The following CACNA2D1 variants were observed in gnomAD, a reference collection of about 807,000 sequenced individuals.
CACNA2D1 encodes calcium voltage-gated channel auxiliary subunit alpha2delta 1, also known as voltage-dependent calcium channel subunit alpha-2/delta-1.
A neutral mutation model predicts 171.5 loss-of-function variants in CACNA2D1; 53 were observed. That is an observed-to-expected ratio of 0.31 (90% CI 0.25 to 0.39). CACNA2D1 has a LOEUF of 0.39. CACNA2D1 is among the 10% of genes least tolerant of loss of function. The pLI is 1.00. For missense variants in CACNA2D1, 903 were observed against 1,299.8 expected (o/e 0.69, Z 4.69); for synonymous variants, 442 against 443.1 (o/e 1.00, Z 0.03).
chr7:82,090,556 G>A (rs887518754), intron 6 of CACNA2D1, among the ~76,000 whole-genome samples: 1 of 151,856 alleles, frequency 6.6e-6, no homozygotes, highest in Non-Finnish European at 1.5e-5. Flanking sequence ...TAATAGTTTA[G>A]TACTATTTTA....
intron 7 of CACNA2D1, among the ~76,000 whole-genome samples, chr7:82,072,226 T>C (rs1808399310): frequency 6.6e-6 from 1 of 152,062 alleles, no homozygotes. Context: ...GGAGTACAAT[T>C]GGAATGTTCA....
chr7:82,216,235 G>T (rs1337051680), intron 3 of CACNA2D1, among the ~76,000 whole-genome samples: 3 of 152,124 alleles, frequency 2.0e-5, no homozygotes, highest in Non-Finnish European at 2.9e-5. Flanking sequence ...AATTTGAGAA[G>T]TTCCCAAGCC....
chr7:82,240,600 T>C (rs769307029), intron 3 of CACNA2D1, among the ~76,000 whole-genome samples: 1 of 152,206 alleles, frequency 6.6e-6, no homozygotes, highest in African/African-American at 2.4e-5. Flanking sequence ...TATTGCTTTA[T>C]GTACCAATAA....
chr7:82,007,956 C>T (rs964495812), intron 15 of CACNA2D1, among the ~76,000 whole-genome samples, 200 bp from the exon 16 acceptor site: 2 of 152,060 alleles, frequency 1.3e-5, no homozygotes, highest in Non-Finnish European at 1.5e-5. Flanking sequence ...TTAGGACCTA[C>T]TAGGCACCTA....
intron 5 of CACNA2D1, among the ~76,000 whole-genome samples, chr7:82,118,967 C>T (rs1184080038): frequency 5.9e-5 from 9 of 152,014 alleles, no homozygotes; most frequent in South Asian, 4.1e-4. Flanking sequence ...AACTACTGTT[C>T]CTTATACCAT....
At chr7:82,256,260 C>T (rs1165325957) in intron 3 of CACNA2D1, among the ~76,000 whole-genome samples, 2 of 152,024 alleles carry the variant, frequency 1.3e-5, no homozygotes, top group African/African-American at 2.4e-5. Flanking sequence ...TACTACTGTA[C>T]TACAGCCTGG....
chr7:81,979,211 C>T (rs1217422652), intron 24 of CACNA2D1, among the ~76,000 whole-genome samples: 1 of 151,950 alleles, frequency 6.6e-6, no homozygotes, highest in Non-Finnish European at 1.5e-5. Flanking sequence ...TTTAAGGTTA[C>T]AGATTTTCTC....
At chr7:82,217,662 AC>A (rs1801299008) in intron 3 of CACNA2D1, among the ~76,000 whole-genome samples, 1 of 149,790 alleles carries the variant, frequency 6.7e-6, no homozygotes, top group Non-Finnish European at 1.5e-5. Context: ...ACACACACAC[AC>A]AATCTTTATC....
intron 4 of CACNA2D1, among the ~76,000 whole-genome samples, chr7:82,169,459 A>T (rs17155966): frequency 0.064 from 9,777 of 152,144 alleles, 661 homozygotes; most frequent in African/African-American, 0.17. Context: ...ATATATAAAT[A>T]AGTGATAAAC....
chr7:82,328,689 G>A (rs1816933385), intron 3 of CACNA2D1, among the ~76,000 whole-genome samples: 1 of 151,942 alleles, frequency 6.6e-6, no homozygotes, highest in East Asian at 1.9e-4. Context: ...ATGCTTATAT[G>A]TCCTCCAGTC....
intron 7 of CACNA2D1, among the ~76,000 whole-genome samples, chr7:82,079,220 A>T (rs1399230844): frequency 1.3e-5 from 2 of 152,184 alleles, no homozygotes; most frequent in Non-Finnish European, 2.9e-5. Context: ...CTCCAAACAG[A>T]TTTAATGCTT....
intron 9 of CACNA2D1, among the ~76,000 whole-genome samples, chr7:82,061,167 G>A (rs982368684): frequency 6.6e-6 from 1 of 152,072 alleles, no homozygotes; most frequent in Non-Finnish European, 1.5e-5. Flanking sequence ...GAACCACTAC[G>A]ACTGAATGTC....
chr7:82,253,372 A>G (rs1458057676), intron 3 of CACNA2D1, among the ~76,000 whole-genome samples: 1 of 152,206 alleles, frequency 6.6e-6, no homozygotes, highest in Non-Finnish European at 1.5e-5. Context: ...CCAGACTTCT[A>G]CATTTTACTG....
At chr7:82,013,108 C>G (rs1800000268) in intron 14 of CACNA2D1, among the ~76,000 whole-genome samples, 1 of 151,940 alleles carries the variant, frequency 6.6e-6, no homozygotes, top group African/African-American at 2.4e-5. Flanking sequence ...TAATTTTATA[C>G]ACAGTACCTA....
chr7:82,137,111 T>C (rs552882042), intron 4 of CACNA2D1, among the ~76,000 whole-genome samples: 143 of 152,176 alleles, frequency 9.4e-4, no homozygotes, highest in Non-Finnish European at 1.5e-3. Flanking sequence ...TGTGCATCTA[T>C]ACAATATTGG....
intron 3 of CACNA2D1, among the ~76,000 whole-genome samples, chr7:82,245,310 G>A (rs1804776623): frequency 1.3e-5 from 2 of 151,936 alleles, no homozygotes; most frequent in African/African-American, 4.8e-5. Flanking sequence ...AATCCCCTTG[G>A]GCTTACAGCT....
At chr7:82,234,933 C>T (rs1263098657) in intron 3 of CACNA2D1, among the ~76,000 whole-genome samples, 2 of 152,198 alleles carry the variant, frequency 1.3e-5, no homozygotes, top group African/African-American at 2.4e-5. Flanking sequence ...TAAGTATGAT[C>T]GTTTGTGAGA....
intron 5 of CACNA2D1, among the ~76,000 whole-genome samples, chr7:82,122,616 A>G (rs1789869484): frequency 6.6e-6 from 1 of 151,518 alleles, no homozygotes; most frequent in Non-Finnish European, 1.5e-5. Flanking sequence ...CAGTGCTACA[A>G]AAGTATACCC....
intron 5 of CACNA2D1, among the ~76,000 whole-genome samples, chr7:82,128,096 G>GT (rs537422197): frequency 0.022 from 3,103 of 142,188 alleles, 60 homozygotes; most frequent in East Asian, 0.053. Context: ...GCTAATTTTA[G>GT]TTTTTTTTTT....
Sources: allele counts gnomAD v4.1 joint callset (sites outside exome capture counted in the v4.1 genomes callset), GRCh38; gene constraint gnomAD v4.1.1; transcripts MANE v1.5; gene names NCBI Gene and HGNC (gene_info 2026-07-23, HGNC 2026-07-21).